PPARG: variants seen among roughly 807,000 people sequenced by gnomAD.
PPARG encodes peroxisome proliferator activated receptor gamma, also known as peroxisome proliferator-activated receptor gamma.
A neutral mutation model predicts 39.2 loss-of-function variants in PPARG; 17 were observed. The ratio of observed to expected loss-of-function variants is 0.43; its 90% CI spans 0.30 to 0.65. PPARG has a LOEUF of 0.65. Ranked by LOEUF, PPARG falls within the 30% of genes least tolerant of loss-of-function variation. The probability of loss-of-function intolerance (pLI) is 0.13; values close to 1 mark genes in which losing one functional copy is unlikely to be tolerated. For synonymous variants in PPARG, 223 were observed against 215.7 expected (o/e 1.03, Z -0.30); for missense variants, 406 against 585.9 (o/e 0.69, Z 3.17).
At chr3:12,316,709 T>C (rs574618959) in intron 2 of PPARG, among the ~76,000 whole-genome samples, 2 of 151,992 alleles carry the variant, frequency 1.3e-5, no homozygotes, top group Admixed American at 1.3e-4. Context: ...GGACCATTAA[T>C]CCTTAGGAAC....
chr3:12,424,394 T>C (rs1256157272), intron 7 of PPARG, among the ~76,000 whole-genome samples: 1 of 152,158 alleles, frequency 6.6e-6, no homozygotes, highest in Non-Finnish European at 1.5e-5. Flanking sequence ...GAGCAAGCAA[T>C]TGGATTTGCC....
Position 12,353,471 on chromosome 3 carries a change from G to T in PPARG, c.-8-26233G>T, listed in dbSNP as rs559013548. ...TAGCTATATGATCATCATTAGCCGA[G>T]GCCAGCAGAGTTGAACACTGTGGAG... On this transcript the variant is annotated intron_variant, in intron 2 of 7. Coordinates refer to ENST00000651735, the MANE Select transcript of PPARG (RefSeq NM_138711.6). 1.4e-3 allele frequency among the ~76,000 whole-genome samples: 219 copies of T among 152,278 alleles called. 1 individual carries two copies. Among genetic ancestry groups the T allele is most frequent in the Non-Finnish European group, 1.2e-3 (81 of 68,004 alleles).
intron 1 of PPARG, among the ~76,000 whole-genome samples, chr3:12,302,992 T>C (rs1334164421): frequency 6.6e-6 from 1 of 152,180 alleles, no homozygotes; most frequent in Admixed American, 6.5e-5. Flanking sequence ...CAAGTGTTAG[T>C]TACAGACCTG....
intron 5 of PPARG, among the ~76,000 whole-genome samples, chr3:12,403,309 T>C (rs2050544435): frequency 7.2e-6 from 1 of 139,700 alleles, no homozygotes; most frequent in Non-Finnish European, 1.6e-5. Context: ...AAAAAAAAAG[T>C]TGTTATACTG....
chr3:12,381,595 T>C (rs1339085136), intron 4 of PPARG, 104 bp downstream of exon 4: 2 of 1,207,664 alleles, frequency 1.7e-6, no homozygotes, highest in African/African-American at 1.5e-5. Context: ...TTTTTCTTCA[T>C]GGAAGAGTAT....
At chr3:12,390,636 C>CTTTTTTTTTTTTTTTTTTTTTTTT (rs1382187854) in intron 4 of PPARG, among the ~76,000 whole-genome samples, 1 of 69,186 alleles carries the variant, frequency 1.4e-5, no homozygotes. Context: ...GTATTTTCTT[C>CTTTTTTTTTTTTTTTTTTTTTTTT]CTTTTTTTTT....
intron 2 of PPARG, among the ~76,000 whole-genome samples, chr3:12,313,197 A>T (rs1291368912): frequency 6.6e-6 from 1 of 152,206 alleles, no homozygotes; most frequent in Non-Finnish European, 1.5e-5. Flanking sequence ...ATCTGCAAAT[A>T]AATGAAATCC....
intron 2 of PPARG, among the ~76,000 whole-genome samples, chr3:12,368,199 T>TTTTG (rs2049084429): frequency 6.7e-6 from 1 of 149,276 alleles, no homozygotes; most frequent in Non-Finnish European, 1.5e-5. Flanking sequence ...TGTTTTTTTT[T>TTTTG]CAGACAGTGT....
chr3:12,291,870 T>A (rs1329533224), intron 1 of PPARG, among the ~76,000 whole-genome samples: 1 of 152,226 alleles, frequency 6.6e-6, no homozygotes, highest in South Asian at 2.1e-4. Flanking sequence ...TTTTGTCATC[T>A]TTGAAACGGA....
intron 2 of PPARG, among the ~76,000 whole-genome samples, chr3:12,360,370 A>G (rs979609110): frequency 6.6e-6 from 1 of 152,162 alleles, no homozygotes; most frequent in Non-Finnish European, 1.5e-5. Context: ...CTAAAATTCT[A>G]TGACAATCCT....
intron 1 of PPARG, among the ~76,000 whole-genome samples, chr3:12,312,055 A>G (rs1291704472): frequency 4.6e-5 from 7 of 152,250 alleles, no homozygotes; most frequent in Non-Finnish European, 8.8e-5. Context: ...TGTGACATAA[A>G]AGATGGAAAG....
chr3:12,320,179 G>A (rs1036935541), intron 2 of PPARG, among the ~76,000 whole-genome samples: 9 of 152,110 alleles, frequency 5.9e-5, no homozygotes, highest in African/African-American at 1.9e-4. Flanking sequence ...TTGAGGATGC[G>A]TTGTTAGAAA....
At chr3:12,425,422 A>T (rs1281584083) in intron 7 of PPARG, among the ~76,000 whole-genome samples, 1 of 152,164 alleles carries the variant, frequency 6.6e-6, no homozygotes, top group African/African-American at 2.4e-5. Flanking sequence ...ACTGCCCTTC[A>T]TGTGCTGTTG....
At chr3:12,317,474 T>C (rs2047421013) in intron 2 of PPARG, among the ~76,000 whole-genome samples, 1 of 152,200 alleles carries the variant, frequency 6.6e-6, no homozygotes, top group Non-Finnish European at 1.5e-5. Flanking sequence ...TCTTTCACTG[T>C]TAGGTCCTAT....
intron 2 of PPARG, among the ~76,000 whole-genome samples, chr3:12,345,254 G>A (rs2048293007): frequency 6.6e-6 from 1 of 152,144 alleles, no homozygotes. Context: ...GAGAACATTC[G>A]TCAGCAAAAT....
chr3:12,296,930 T>A (rs1367358530), intron 1 of PPARG, among the ~76,000 whole-genome samples: 1 of 152,202 alleles, frequency 6.6e-6, no homozygotes, highest in African/African-American at 2.4e-5. Flanking sequence ...TAGTTTTTTT[T>A]ATTTTAAAAT....
intron 1 of PPARG, chr3:12,301,490 C>T (rs909053790): frequency 2.6e-5 from 4 of 152,148 alleles, no homozygotes; most frequent in African/African-American, 4.8e-5. Context: ...ATTATCATCA[C>T]AATTATTTAA....
intron 5 of PPARG, among the ~76,000 whole-genome samples, chr3:12,395,959 T>C (rs778911354): frequency 3.9e-5 from 6 of 152,254 alleles, no homozygotes; most frequent in Admixed American, 1.3e-4. Flanking sequence ...AGCTGGTGTC[T>C]GCAGAATCTT....
intron 2 of PPARG, among the ~76,000 whole-genome samples, chr3:12,359,635 A>G (rs1031194657): frequency 6.6e-6 from 1 of 151,972 alleles, no homozygotes; most frequent in Non-Finnish European, 1.5e-5. Flanking sequence ...TATCAGTTCT[A>G]AAGCAAAAAC....
Sources: gnomAD v4.1 joint callset for allele counts (sites outside exome capture counted in the v4.1 genomes callset) on GRCh38, gnomAD v4.1.1 for gene constraint, MANE v1.5 for transcripts, NCBI Gene and HGNC (gene_info 2026-07-23, HGNC 2026-07-21) for gene names.